The following CPM variants were observed in gnomAD, a reference collection of about 807,000 sequenced individuals.
CPM encodes the protein carboxypeptidase M, also known as renal carboxypeptidase.
A neutral mutation model predicts 46.4 loss-of-function variants in CPM; 35 were observed. That is an observed-to-expected ratio of 0.75 (90% CI 0.58 to 1.00). CPM has a LOEUF of 1.00. Ranked by LOEUF, CPM falls within the 50% of genes least tolerant of loss-of-function variation. The probability of loss-of-function intolerance (pLI) is 0.00; values close to 1 mark genes in which losing one functional copy is unlikely to be tolerated. For synonymous variants in CPM, 195 were observed against 195.3 expected, an observed-to-expected ratio of 1.00 and a Z score of 0.01; for missense variants, 422 against 530.4, an observed-to-expected ratio of 0.80 and a Z score of 2.01.
intron 7 of CPM, among the ~76,000 whole-genome samples, chr12:68,866,336 T>C (rs913140083): frequency 6.6e-6 from 1 of 152,076 alleles, no homozygotes; most frequent in Non-Finnish European, 1.5e-5. Context: ...GTTTGTTTGT[T>C]TGTTTGTTTG....
chr12:68,961,385 T>TCCC (rs1889109031), intron 1 of CPM, among the ~76,000 whole-genome samples: 1 of 152,130 alleles, frequency 6.6e-6, no homozygotes, highest in Non-Finnish European at 1.5e-5. Flanking sequence ...GCTCGAGTGG[T>TCCC]CCACCTGCCT....
intron 1 of CPM, among the ~76,000 whole-genome samples, chr12:68,960,512 G>A (rs1034838684): frequency 6.6e-6 from 1 of 152,150 alleles, no homozygotes; most frequent in Non-Finnish European, 1.5e-5. Flanking sequence ...GTATAAAATA[G>A]CTACGCTGAA....
chr12:68,867,062 T>C lies in CPM; in HGVS notation c.788-14A>G. On this transcript the variant is annotated splice_polypyrimidine_tract_variant and intron_variant, in intron 6 of 8. Transcript: ENST00000551568. Reference sequence around the variant, plus strand: ...CTTGCATTCCACCTAAACACAAGCATATTTAATTTTTGTTAGGGTCTAAAA... The same window carrying C: ...CTTGCATTCCACCTAAACACAAGCACATTTAATTTTTGTTAGGGTCTAAAA... 2 of 1,613,184 alleles carry C rather than the reference T, an allele frequency of 1.2e-6. No homozygotes were observed. Among genetic ancestry groups the C allele is most frequent in the Non-Finnish European group, 1.7e-6 (2 of 1,179,770 alleles).
intron 1 of CPM, among the ~76,000 whole-genome samples, chr12:68,950,260 G>C (rs1322939198): frequency 6.6e-6 from 1 of 152,024 alleles, no homozygotes; most frequent in Non-Finnish European, 1.5e-5. Flanking sequence ...ATACCACTAA[G>C]GTATATCTTC....
intron 8 of CPM, among the ~76,000 whole-genome samples, chr12:68,857,942 G>C (rs1885047087): frequency 6.6e-6 from 1 of 152,178 alleles, no homozygotes; most frequent in Non-Finnish European, 1.5e-5. Context: ...AGTGAGTTGA[G>C]ATTTTTCAAG....
At chr12:68,884,702 G>T (rs1476952754) in intron 3 of CPM, among the ~76,000 whole-genome samples, 2 of 152,204 alleles carry the variant, frequency 1.3e-5, no homozygotes, top group East Asian at 1.9e-4. Flanking sequence ...GATGGCTGGG[G>T]ACTCTTTGAT....
At chr12:68,946,615 C>G (rs1888852064) in intron 1 of CPM, among the ~76,000 whole-genome samples, 1 of 152,190 alleles carries the variant, frequency 6.6e-6, no homozygotes, top group Non-Finnish European at 1.5e-5. Context: ...TTTATCAGCT[C>G]TGTAGCTCAA....
At chr12:68,912,808 T>C (rs993565289) in intron 2 of CPM, among the ~76,000 whole-genome samples, 3 of 152,218 alleles carry the variant, frequency 2.0e-5, no homozygotes, top group Non-Finnish European at 2.9e-5. Flanking sequence ...GGACTGCTGA[T>C]TGAGCAAGCC....
At chr12:68,881,015 GGAGT>G (rs1886165937) in intron 3 of CPM, among the ~76,000 whole-genome samples, 1 of 152,156 alleles carries the variant, frequency 6.6e-6, no homozygotes, top group Non-Finnish European at 1.5e-5. Context: ...TGCAAAATGA[GGAGT>G]GAGTTTAACT....
At chr12:68,929,748 A>G (rs1888425940) in intron 2 of CPM, among the ~76,000 whole-genome samples, 1 of 152,242 alleles carries the variant, frequency 6.6e-6, no homozygotes. Flanking sequence ...AGATGCTCAA[A>G]GAGGTGAATG....
chr12:68,890,579 G>A (rs1886614886), intron 2 of CPM, among the ~76,000 whole-genome samples: 1 of 151,570 alleles, frequency 6.6e-6, no homozygotes, highest in Admixed American at 6.6e-5. Flanking sequence ...ATCTAAGGCT[G>A]CCTCAATGTC....
intron 1 of CPM, among the ~76,000 whole-genome samples, chr12:68,960,855 CCTA>C (rs1222398099): frequency 6.6e-6 from 1 of 152,148 alleles, no homozygotes; most frequent in Admixed American, 6.5e-5. Context: ...CGATTCTGCA[CCTA>C]CTTTGTCCTA....
chr12:68,922,343 T>C (rs556465991), intron 2 of CPM, among the ~76,000 whole-genome samples: 11 of 152,370 alleles, frequency 7.2e-5, no homozygotes, highest in African/African-American at 2.4e-4. Flanking sequence ...CATGATACTT[T>C]AGTTGTGATT....
intron 2 of CPM, among the ~76,000 whole-genome samples, chr12:68,926,760 T>C (rs1245039360): frequency 6.6e-6 from 1 of 152,182 alleles, no homozygotes; most frequent in East Asian, 1.9e-4. Context: ...CCCCTTCCTG[T>C]GTCCAATGTG....
At position 68,853,105 on chromosome 12, in the gene CPM, T is replaced by C. The variant is rs577825566; in HGVS notation, c.*3332A>G. On this transcript the variant is annotated 3_prime_UTR_variant, in exon 9 of 9. Coordinates refer to ENST00000551568, the MANE Select transcript of CPM (RefSeq NM_198320.5). ...AGTCTTTAAATGATTTTGAGTCTGATAGATAACTAAATTCTGATTTTAAAA... is the reference window on the plus strand; with the variant it reads ...AGTCTTTAAATGATTTTGAGTCTGACAGATAACTAAATTCTGATTTTAAAA... 1.3e-4 allele frequency: 20 copies of C among 152,354 alleles called. No individual in the cohort carries two copies. The highest frequency in any genetic ancestry group is 4.6e-4 in the African/African-American group (19 of 41,584). The allele number at this position is 152,354 out of a possible 1,614,324, so 9.4% of individuals were successfully genotyped here.
At chr12:68,961,972 G>A (rs956499001) in intron 1 of CPM, among the ~76,000 whole-genome samples, 4 of 151,958 alleles carry the variant, frequency 2.6e-5, no homozygotes, top group Admixed American at 1.3e-4. Context: ...AGGCCAAGGC[G>A]GGCGGATCAC....
At chr12:68,924,780 C>T (rs749123184) in intron 2 of CPM, among the ~76,000 whole-genome samples, 1 of 152,132 alleles carries the variant, frequency 6.6e-6, no homozygotes, top group African/African-American at 2.4e-5. Context: ...CAGAGTGTGA[C>T]GGATGACCAA....
intron 2 of CPM, among the ~76,000 whole-genome samples, chr12:68,892,751 C>T (rs1806424293): frequency 1.3e-5 from 2 of 152,116 alleles, no homozygotes; most frequent in South Asian, 2.1e-4. Context: ...CCCAGCTATT[C>T]GGGAGGCTGA....
intron 7 of CPM, among the ~76,000 whole-genome samples, chr12:68,863,429 GTC>G (rs1359507652): frequency 6.6e-6 from 1 of 152,126 alleles, no homozygotes; most frequent in Non-Finnish European, 1.5e-5. Flanking sequence ...TGGTTTTAAT[GTC>G]TGCCGACACC....
Sources: gnomAD v4.1 joint callset for allele counts (sites outside exome capture counted in the v4.1 genomes callset) on GRCh38, gnomAD v4.1.1 for gene constraint, MANE v1.5 for transcripts, NCBI Gene and HGNC (gene_info 2026-07-23, HGNC 2026-07-21) for gene names.